NRBP1: variants seen among roughly 807,000 people sequenced by gnomAD.
The protein encoded by NRBP1 is nuclear receptor-binding protein.
A neutral mutation model predicts 76.0 loss-of-function variants in NRBP1; 10 were observed. The observed-to-expected ratio is 0.13, with a 90% confidence interval of 0.08 to 0.22. The LOEUF (loss-of-function observed/expected upper bound fraction) is 0.22, where lower values mean the gene tolerates loss of function less well. Among genes scored for constraint, NRBP1 ranks in the 10% least tolerant of loss-of-function variants. The probability of loss-of-function intolerance (pLI) is 1.00; values close to 1 mark genes in which losing one functional copy is unlikely to be tolerated. For synonymous variants in NRBP1, 235 were observed against 240.2 expected, an observed-to-expected ratio of 0.98 and a Z score of 0.20; for missense variants, 344 against 646.0, an observed-to-expected ratio of 0.53 and a Z score of 5.07.
At position 27,433,325 on chromosome 2, in the gene NRBP1, G is replaced by T; in HGVS notation, c.52G>T (p.Val18Leu). The T allele has an allele frequency of 6.2e-7, 1 of 1,614,208 alleles. No homozygotes were observed. Among genetic ancestry groups the T allele is most frequent in the Non-Finnish European group, 8.5e-7 (1 of 1,180,040 alleles). Residue 18 changes from valine to leucine, a missense_variant, in exon 2 of 18, where the codon GTA becomes TTA. Physicochemically the swap from Val to Leu is conservative, Grantham distance 32. Coordinates refer to ENST00000379852, the MANE Select transcript of NRBP1 (RefSeq NM_013392.4). ...TVLSSGSDPK[V>L]ESSSSAPGLT... Reference sequence around the variant, plus strand: ...ACTTAGCAGTGGCTCAGACCCAAAGGTAGAATCCTCATCTTCAGCTCCTGG... The same window carrying T: ...ACTTAGCAGTGGCTCAGACCCAAAGTTAGAATCCTCATCTTCAGCTCCTGG...
chr2:27,441,546 C>T, intron 16 of NRBP1, 21 bp from the exon 17 acceptor site: 1 of 1,613,874 alleles, frequency 6.2e-7, no homozygotes, highest in Non-Finnish European at 8.5e-7. Flanking sequence ...CTGTACTCAC[C>T]CCCTCCTGTT....
At chr2:27,432,208 A>G (rs61314769) in intron 1 of NRBP1, among the ~76,000 whole-genome samples, 3,279 of 152,292 alleles carry the variant, frequency 0.022, 132 homozygotes, top group African/African-American at 0.075. Flanking sequence ...TTCAAAGGGA[A>G]GCCTATTGGA....
chr2:27,433,292 C>G lies in NRBP1; in HGVS notation c.19C>G (p.Gln7Glu), dbSNP rs1178151171. MSEGES[Q>E]TVLSSGSDPK... ...TTCCAGCATGTCGGAGGGGGAGTCC[C>G]AGACAGTACTTAGCAGTGGCTCAGA... is the stretch of plus-strand genomic sequence containing the variant. Residue 7 changes from glutamine to glutamate, a missense_variant, in exon 2 of 18, where the codon CAG becomes GAG. By Grantham distance (29) the Gln-to-Glu change is conservative. Around this residue, in one of 3 missense-constraint regions of NRBP1, gnomAD observed 53 missense variants for 48.4 expected, o/e 1.09. Transcript: ENST00000379852. 1 of 1,613,978 alleles carries G rather than the reference C, an allele frequency of 6.2e-7. No homozygotes were observed. Among genetic ancestry groups the G allele is most frequent in the East Asian group, 2.2e-5 (1 of 44,888 alleles).
In NRBP1 at chr2:27,440,890, C is replaced by G; in HGVS notation, c.1279C>G (p.Pro427Ala). 6.2e-7 allele frequency: 1 copy of G among 1,614,054 alleles called. No individual in the cohort carries two copies. The highest frequency in any genetic ancestry group is 8.5e-7 in the Non-Finnish European group (1 of 1,180,028). Residue 427 changes from proline (P) to alanine (A), a missense_variant, in exon 14 of 18, where the codon CCC (proline) becomes GCC (alanine). By Grantham distance (27) the Pro-to-Ala change is conservative. Around this residue, in one of 3 missense-constraint regions of NRBP1, gnomAD observed 218 missense variants for 309.8 expected, o/e 0.70. Coordinates refer to ENST00000379852, the MANE Select transcript of NRBP1 (RefSeq NM_013392.4). Reference sequence around the variant, plus strand: ...GGAGGTGACATCACCTGTCGTGCCCCCCTCTGTCAAGACTCCGACACCTGA... The same window carrying G: ...GGAGGTGACATCACCTGTCGTGCCCGCCTCTGTCAAGACTCCGACACCTGA... ...QEEVTSPVVP[P>A]SVKTPTPEPA...
rs1205559698 is a variant in NRBP1 at position 27,434,081 on chromosome 2, C to T, written c.426C>T (p.Asn142=). The change falls in exon 4 of 18, where the codon AAC becomes AAT. Residue 142 remains asparagine, a synonymous_variant. Coordinates refer to ENST00000379852, the MANE Select transcript of NRBP1 (RefSeq NM_013392.4). ...FHKYWADIKE[N]KARVIFITEY... ...AATATTGGGCTGACATTAAAGAGAA[C>T]AAGGCCAGGGTAAGAATTTTTTCCC... 3.1e-6 allele frequency: 5 copies of T among 1,612,676 alleles called. No homozygotes were observed. The African/African-American group carries it at 5.3e-5, about 17-fold the overall frequency.
At position 27,441,827 on chromosome 2, in the gene NRBP1, A is replaced by T; in HGVS notation, c.*15A>T. On this transcript the variant is annotated 3_prime_UTR_variant, in exon 18 of 18. Transcript: ENST00000379852. Reference sequence around the variant, plus strand: ...TCTCCTCTTAGAGCTCACTCGGGCCAGGCCCTGATCTGCGCTGTGGCTGTC... The same window carrying T: ...TCTCCTCTTAGAGCTCACTCGGGCCTGGCCCTGATCTGCGCTGTGGCTGTC... 3.2e-6 allele frequency: 5 copies of T among 1,553,564 alleles called. No homozygotes were observed. Among genetic ancestry groups the T allele is most frequent in the Non-Finnish European group, 4.4e-6 (5 of 1,127,424 alleles).
Position 27,441,740 on chromosome 2 carries a change from A to G in NRBP1, c.1536A>G (p.Glu512=). 6.2e-7 allele frequency: 1 copy of G among 1,613,972 alleles called. No homozygotes were observed. The highest frequency in any genetic ancestry group is 8.5e-7 in the Non-Finnish European group (1 of 1,179,930). The change falls in exon 18 of 18, where the codon GAA becomes GAG. Residue 512 remains glutamate, a synonymous_variant. Coordinates refer to ENST00000379852, the MANE Select transcript of NRBP1 (RefSeq NM_013392.4). ...ADQSRLTSLL[E]ETLNKFNFAR... is the part of the protein sequence containing the mutation. ...AGAGCCGGTTGACTTCTCTGCTAGA[A>G]GAGACCTTGAACAAGTTCAATTTTG...
Position 27,433,983 on chromosome 2 carries a change from T to A in NRBP1, c.334-6T>A. 6.2e-7 allele frequency: 1 copy of A among 1,613,482 alleles called. No individual in the cohort carries two copies. Among genetic ancestry groups the A allele is most frequent in the Non-Finnish European group, 8.5e-7 (1 of 1,179,530 alleles). ...TCTGTTATTCCACTGTCTCCCTTGC[T>A]TTCAGGAAAAGGTTCGTGCTGTGTT... is the stretch of plus-strand genomic sequence containing the variant. On this transcript the variant is annotated splice_polypyrimidine_tract_variant and splice_region_variant and intron_variant, in intron 3 of 17. Transcript: ENST00000379852.
chr2:27,436,824 C>T lies in NRBP1; in HGVS notation c.733C>T (p.Pro245Ser). ...EEQKNLHFFA[P>S]EYGEVTNVTT... ...GCAGAAGAATCTACACTTCTTTGCA[C>T]CAGAGTATGGAGGTGAGCCTTCCTG... The change falls in exon 8 of 18, where the codon CCA (proline) becomes TCA (serine). Residue 245 changes from proline to serine, a missense_variant. Transcript: ENST00000379852. 1 of 1,613,948 alleles carries T rather than the reference C, an allele frequency of 6.2e-7. No homozygotes were observed. Among genetic ancestry groups the T allele is most frequent in the Non-Finnish European group, 8.5e-7 (1 of 1,179,822 alleles).
At chr2:27,431,089 A>G (rs1472717391) in intron 1 of NRBP1, among the ~76,000 whole-genome samples, 1 of 151,940 alleles carries the variant, frequency 6.6e-6, no homozygotes, top group Non-Finnish European at 1.5e-5. Flanking sequence ...TCATGAAGTC[A>G]GGAGATTGAA....
intron 7 of NRBP1, chr2:27,435,627 TTG>T: frequency 2.8e-6 from 2 of 716,756 alleles, no homozygotes; most frequent in African/African-American, 1.7e-5. Flanking sequence ...TGTGTGGTAT[TTG>T]TGTGTCCATT....
intron 7 of NRBP1, 110 bp downstream of exon 7, chr2:27,435,337 G>C (rs1051689705): frequency 1.5e-4 from 127 of 847,902 alleles, no homozygotes; most frequent in Middle Eastern, 4.5e-4. Flanking sequence ...GTGTGGGCTG[G>C]TGAGAAGAGA....
In NRBP1 at chr2:27,441,946, G is replaced by C. The variant is rs796661055; in HGVS notation, c.*134G>C. 10 of 647,010 alleles carry C rather than the reference G, an allele frequency of 1.5e-5. No individual in the cohort carries two copies. Among genetic ancestry groups the C allele is most frequent in the Non-Finnish European group, 2.7e-5 (10 of 363,652 alleles). The allele number at this position is 647,010 out of a possible 1,614,324, so 40.1% of individuals were successfully genotyped here. On this transcript the variant is annotated 3_prime_UTR_variant, in exon 18 of 18. Coordinates refer to ENST00000379852, the MANE Select transcript of NRBP1 (RefSeq NM_013392.4). ...CTTTATTATTCAGGAGGGCTGGGGG[G>C]GCTCCCTGGTTCTGAGCATCATCCT...
chr2:27,441,060 G>A (rs951932640), intron 14 of NRBP1, 67 bp from the exon 15 acceptor site: 14 of 1,609,030 alleles, frequency 8.7e-6, no homozygotes, highest in Middle Eastern at 2.2e-4. Context: ...CTATGGGCTC[G>A]AAAGACGTCT....
intron 1 of NRBP1, among the ~76,000 whole-genome samples, chr2:27,432,592 G>GT (rs1572686857): frequency 6.6e-6 from 1 of 151,674 alleles, no homozygotes; most frequent in East Asian, 1.9e-4. Context: ...TTGTTTGTTT[G>GT]TTTTTTGTTG....
intron 1 of NRBP1, among the ~76,000 whole-genome samples, chr2:27,431,439 GT>G (rs1664112324): frequency 6.6e-6 from 1 of 152,216 alleles, no homozygotes; most frequent in Non-Finnish European, 1.5e-5. Context: ...CTGCTTGAAT[GT>G]GGGCATTTAT....
At chr2:27,441,095 G>A (rs1558340648) in intron 14 of NRBP1, 32 bp from the exon 15 acceptor site, 1 of 1,612,380 alleles carries the variant, frequency 6.2e-7, no homozygotes, top group East Asian at 2.2e-5. Flanking sequence ...TTATGGACAG[G>A]TCTCTAGAGT....
chr2:27,440,178 AT>A, intron 11 of NRBP1: 1 of 559,220 alleles, frequency 1.8e-6, no homozygotes, highest in South Asian at 2.2e-5. Context: ...TGCCTGGGTA[AT>A]TTTTGTACTT....
chr2:27,430,288 C>T (rs1270308457), intron 1 of NRBP1, among the ~76,000 whole-genome samples: 1 of 152,030 alleles, frequency 6.6e-6, no homozygotes, highest in African/African-American at 2.4e-5. Context: ...TAAAAATCTC[C>T]TGAGTTGAGT....
Sources: gnomAD v4.1 joint callset for allele counts (sites outside exome capture counted in the v4.1 genomes callset) on GRCh38, gnomAD v4.1.1 for gene constraint, gnomAD v4.1.1 regional missense constraint, MANE v1.5 for transcripts, NCBI Gene and HGNC (gene_info 2026-07-23, HGNC 2026-07-21) for gene names.